SCN11A: variants seen among roughly 807,000 people sequenced by gnomAD.
SCN11A encodes sodium voltage-gated channel alpha subunit 11, also known as sodium channel protein type 11 subunit alpha.
In SCN11A, 122 loss-of-function variants were observed where a neutral mutation model predicts 162.2. The ratio of observed to expected loss-of-function variants is 0.75; its 90% CI spans 0.65 to 0.87. The LOEUF (loss-of-function observed/expected upper bound fraction) is 0.87. Ranked by LOEUF, SCN11A falls within the 40% of genes least tolerant of loss-of-function variation. The pLI is 0.00. For synonymous variants in SCN11A, 758 were observed against 751.5 expected, an observed-to-expected ratio of 1.01 and a Z score of -0.14; for missense variants, 2,015 against 2,181.6, an observed-to-expected ratio of 0.92 and a Z score of 1.52.
intron 1 of SCN11A, among the ~76,000 whole-genome samples, chr3:39,047,867 C>A (rs2032223797): frequency 1.3e-5 from 2 of 152,024 alleles, no homozygotes; most frequent in Admixed American, 1.3e-4. Context: ...ACGAAAAAGA[C>A]AAAAACAAAT....
intron 19 of SCN11A, among the ~76,000 whole-genome samples, chr3:38,891,444 G>C (rs1168493059): frequency 6.6e-6 from 1 of 152,024 alleles, no homozygotes; most frequent in African/African-American, 2.4e-5. Context: ...AAAGGAAAGA[G>C]AGAAAGGAAC....
intron 19 of SCN11A, among the ~76,000 whole-genome samples, chr3:38,889,133 T>A (rs1261069508): frequency 6.6e-6 from 1 of 152,156 alleles, no homozygotes. Context: ...CATGTTAAAT[T>A]ACCTATTGCA....
At chr3:38,889,986 G>A (rs1428413777) in intron 19 of SCN11A, among the ~76,000 whole-genome samples, 43 of 148,882 alleles carry the variant, frequency 2.9e-4, no homozygotes, top group African/African-American at 1.1e-3. Context: ...AAAAAAAAAA[G>A]CAGCAGCAGC....
At chr3:38,866,615 C>A (rs1008896909) in intron 27 of SCN11A, among the ~76,000 whole-genome samples, 2 of 152,132 alleles carry the variant, frequency 1.3e-5, no homozygotes, top group African/African-American at 4.8e-5. Context: ...TAAGGTAATC[C>A]TAACTGTGTA....
At chr3:39,010,178 A>C (rs1404230809) in intron 2 of SCN11A, among the ~76,000 whole-genome samples, 1 of 152,112 alleles carries the variant, frequency 6.6e-6, no homozygotes, top group Admixed American at 6.6e-5. Flanking sequence ...TAAGCATGTC[A>C]TTTAGAGATA....
chr3:38,882,268 T>C (rs1396356030), intron 22 of SCN11A, among the ~76,000 whole-genome samples: 1 of 152,192 alleles, frequency 6.6e-6, no homozygotes, highest in Non-Finnish European at 1.5e-5. Flanking sequence ...TGTAAAACAC[T>C]AACCAGAAGC....
At position 38,926,796 on chromosome 3, in the gene SCN11A, T is replaced by C. The variant is rs1346691845; in HGVS notation, c.617+7A>G. On this transcript the variant is annotated splice_region_variant and intron_variant, in intron 8 of 29. Coordinates refer to ENST00000302328, the MANE Select transcript of SCN11A (RefSeq NM_001349253.2). ...AGTCTCTTCAAAAACATCTTTAATA[T>C]TCTTACGCTATTCCAATGACAATGG... is the stretch of plus-strand genomic sequence containing the variant. 11 of 1,612,640 alleles carry C rather than the reference T, an allele frequency of 6.8e-6. No homozygotes were observed. Among genetic ancestry groups the C allele is most frequent in the Non-Finnish European group, 9.3e-6 (11 of 1,179,536 alleles).
chr3:38,970,685 G>T (rs1032664476), intron 2 of SCN11A, among the ~76,000 whole-genome samples: 1 of 152,098 alleles, frequency 6.6e-6, no homozygotes. Context: ...CCATGCTCTG[G>T]GCAATCCAGA....
At chr3:38,900,384 A>C (rs1026296158) in intron 16 of SCN11A, among the ~76,000 whole-genome samples, 5 of 152,180 alleles carry the variant, frequency 3.3e-5, no homozygotes, top group African/African-American at 1.2e-4. Flanking sequence ...GGTAGATGGC[A>C]GGGTGACAGA....
At chr3:38,909,854 G>A (rs1418332469) in intron 12 of SCN11A, among the ~76,000 whole-genome samples, 2 of 152,086 alleles carry the variant, frequency 1.3e-5, no homozygotes, top group South Asian at 2.1e-4. Flanking sequence ...TTACAGGCGG[G>A]AGTCAGCGTG....
At chr3:38,849,121 T>C (rs1299343136) in intron 29 of SCN11A, among the ~76,000 whole-genome samples, 1 of 152,168 alleles carries the variant, frequency 6.6e-6, no homozygotes, top group Non-Finnish European at 1.5e-5. Flanking sequence ...TCAGAAACAT[T>C]TCCGCAAAGT....
intron 19 of SCN11A, among the ~76,000 whole-genome samples, chr3:38,886,470 C>G (rs1403198748): frequency 6.6e-6 from 1 of 152,078 alleles, no homozygotes; most frequent in Non-Finnish European, 1.5e-5. Context: ...ATAATCAAAA[C>G]AGTATGGTTC....
intron 2 of SCN11A, among the ~76,000 whole-genome samples, chr3:39,031,238 T>C (rs2031741748): frequency 6.6e-6 from 1 of 152,160 alleles, no homozygotes; most frequent in Non-Finnish European, 1.5e-5. Flanking sequence ...AACCGAGGTC[T>C]TGGCCAGGCA....
At chr3:38,891,113 C>A (rs915753410) in intron 19 of SCN11A, among the ~76,000 whole-genome samples, 2 of 150,834 alleles carry the variant, frequency 1.3e-5, no homozygotes, top group Admixed American at 1.3e-4. Flanking sequence ...TGCAAAGAAG[C>A]CATTATAAAT....
At chr3:39,007,044 G>T (rs1402819021) in intron 2 of SCN11A, among the ~76,000 whole-genome samples, 2 of 151,858 alleles carry the variant, frequency 1.3e-5, no homozygotes, top group African/African-American at 4.8e-5. Flanking sequence ...TATTATCAAA[G>T]GAAAAATTCA....
intron 7 of SCN11A, among the ~76,000 whole-genome samples, chr3:38,942,029 C>G (rs2066450303): frequency 6.6e-6 from 1 of 151,938 alleles, no homozygotes; most frequent in Non-Finnish European, 1.5e-5. Context: ...ACCATGCAAA[C>G]AAAGAGCTTA....
At chr3:39,045,475 G>A (rs2032160800) in intron 1 of SCN11A, among the ~76,000 whole-genome samples, 1 of 152,158 alleles carries the variant, frequency 6.6e-6, no homozygotes, top group Non-Finnish European at 1.5e-5. Context: ...AGGGATGCAA[G>A]GATGATTCAA....
At position 38,894,916 on chromosome 3, in the gene SCN11A, C is replaced by T. The variant is rs1451028285; in HGVS notation, c.2452G>A (p.Glu818Lys). ...ALLLNSFSNE[E>K]RNGNLEGEAR... Reference sequence around the variant, plus strand: ...TCTCCTTCTAAGTTTCCATTTCTTTCCTCATTGCTAAAGGAATTGAGCAGT... The same window carrying T: ...TCTCCTTCTAAGTTTCCATTTCTTTTCTCATTGCTAAAGGAATTGAGCAGT... Residue 818 changes from glutamate to lysine, a missense_variant, in exon 19 of 30, where the codon GAA becomes AAA. Glu to Lys is a moderately conservative substitution (Grantham distance 56). Coordinates refer to ENST00000302328, the MANE Select transcript of SCN11A (RefSeq NM_001349253.2). 3 of 1,613,994 alleles carry T rather than the reference C, an allele frequency of 1.9e-6. No individual in the cohort carries two copies. The highest frequency in any genetic ancestry group is 1.7e-6 in the Non-Finnish European group (2 of 1,179,936).
rs145168935 is a variant in SCN11A at position 38,891,796 on chromosome 3, T to C, written c.2835+2737A>G. Among the ~76,000 whole-genome samples the C allele has an allele frequency of 3.9e-5, 6 of 152,332 alleles. No individual in the cohort carries two copies. In the East Asian group the frequency reaches 1.2e-3, roughly 29 times the overall value. On this transcript the variant is annotated intron_variant, in intron 19 of 29. Coordinates refer to ENST00000302328, the MANE Select transcript of SCN11A (RefSeq NM_001349253.2). ...CACAATAACAGCATTAATCCATTCA[T>C]GAGACCAGAGTCCTCATAATCTAAT...
Sources: allele counts gnomAD v4.1 joint callset (sites outside exome capture counted in the v4.1 genomes callset), GRCh38; gene constraint gnomAD v4.1.1; transcripts MANE v1.5; gene names NCBI Gene and HGNC (gene_info 2026-07-23, HGNC 2026-07-21).